The following ALG10 variants were observed in gnomAD, a reference collection of about 807,000 sequenced individuals.
The protein encoded by ALG10 is dol-P-Glc:Glc(2)Man(9)GlcNAc(2)-PP-Dol alpha-1,2-glucosyltransferase A.
ALG10 carries 25 observed loss-of-function variants against 39.2 expected under a neutral mutation model. The ratio of observed to expected loss-of-function variants is 0.64; its 90% confidence interval spans 0.46 to 0.89. The LOEUF is 0.89. Among genes scored for constraint, ALG10 ranks in the 40% least tolerant of loss-of-function variants. ALG10 has a pLI of 0.00. For synonymous variants in ALG10, 184 were observed against 193.9 expected (o/e 0.95, Z 0.42); for missense variants, 486 against 546.6 (o/e 0.89, Z 1.11).
At chr12:34,025,608 T>C (rs1178597447) in intron 2 of ALG10, among the ~76,000 whole-genome samples, 3 of 152,192 alleles carry the variant, frequency 2.0e-5, no homozygotes, top group Non-Finnish European at 2.9e-5. Flanking sequence ...CTGATTCCAA[T>C]TGTGTTAAGC....
upstream of ALG10, chr12:34,022,418 G>A: frequency 3.1e-6 from 3 of 960,386 alleles, no homozygotes; most frequent in Non-Finnish European, 4.8e-6. Flanking sequence ...CCGTCACTCC[G>A]GGAAACAGCG....
At chr12:34,023,596 C>G (rs544511215) in intron 1 of ALG10, 60 of 333,108 alleles carry the variant, frequency 1.8e-4, no homozygotes, top group South Asian at 1.6e-3. Context: ...ATCATGGAGC[C>G]TGTGGTCCAA....
chr12:34,022,443 G>A (rs1242906456), upstream of ALG10: 6 of 1,206,314 alleles, frequency 5.0e-6, no homozygotes, highest in Non-Finnish European at 6.0e-6. Context: ...GATCTTTCCG[G>A]ATCCGCGCTC....
Position 34,022,533 on chromosome 12 carries a change from C to T in ALG10, c.-67C>T, listed in dbSNP as rs1942788081. ...CGCGCCCATTTCGAGCCCAAGTTTCCAGCTCGGGTTTCCAGGCTCAGAATT... is the reference window on the plus strand; with the variant it reads ...CGCGCCCATTTCGAGCCCAAGTTTCTAGCTCGGGTTTCCAGGCTCAGAATT... On this transcript the variant is annotated 5_prime_UTR_variant, in exon 1 of 3. Coordinates refer to ENST00000266483, the MANE Select transcript of ALG10 (RefSeq NM_032834.4). 2 of 1,613,032 alleles carry T rather than the reference C, an allele frequency of 1.2e-6. No homozygotes were observed. Among genetic ancestry groups the T allele is most frequent in the Non-Finnish European group, 1.7e-6 (2 of 1,179,522 alleles).
upstream of ALG10, chr12:34,022,476 G>A: frequency 3.4e-6 from 5 of 1,492,064 alleles, no homozygotes; most frequent in Non-Finnish European, 4.6e-6. Flanking sequence ...TTGCCTTCCG[G>A]TATGTGGCCC....
rs1942855492 is a variant in ALG10, at chr12:34,028,079, G to T, written c.*1164G>T. ...GTTCCAAGTAAGTTTGTATTCACAT[G>T]ATCTGAGTAGACATTGTCTCTTCGT... On this transcript the variant is annotated 3_prime_UTR_variant, in exon 3 of 3. Transcript: ENST00000266483. 1 of 152,134 alleles carries T rather than the reference G, an allele frequency of 6.6e-6. No homozygotes were observed. The highest frequency in any genetic ancestry group is 1.5e-5 in the Non-Finnish European group (1 of 68,008). 9.4% of individuals were successfully genotyped at this position (152,134 alleles called of 1,614,324 possible).
rs1286638043 is a variant in ALG10 at position 34,024,009 on chromosome 12, T to C, written c.219T>C (p.Ile73=). 3 of 1,614,188 alleles carry C rather than the reference T, an allele frequency of 1.9e-6. No individual in the cohort carries two copies. Among genetic ancestry groups the C allele is most frequent in the Non-Finnish European group, 8.5e-7 (1 of 1,180,014 alleles). ...TTLPGLYLVS[I]GVIKPAIWIF... is the part of the protein sequence containing the mutation. ...TACCTGGCTTGTACCTGGTGTCAAT[T>C]GGAGTGATCAAACCTGCCATTTGGA... Residue 73 remains isoleucine (I), a synonymous_variant, in exon 2 of 3, where the codon ATT becomes ATC. Coordinates refer to ENST00000266483, the MANE Select transcript of ALG10 (RefSeq NM_032834.4).
At chr12:34,023,837 C>G in intron 1 of ALG10, 125 bp from the exon 2 acceptor site, 1 of 1,311,560 alleles carries the variant, frequency 7.6e-7, no homozygotes. Context: ...CTTACTTAAT[C>G]TTGTCATAGA....
At position 34,024,257 on chromosome 12, in the gene ALG10, C is replaced by G; in HGVS notation, c.369+98C>G. 2.9e-6 allele frequency: 4 copies of G among 1,371,612 alleles called. No individual in the cohort carries two copies. The Admixed American group carries it at 7.0e-5, about 24-fold the overall frequency. 85.0% of individuals were successfully genotyped at this position (1,371,612 alleles called of 1,614,324 possible). A position where few individuals can be genotyped will look rare whatever the true frequency, so the allele number is the denominator to read the frequency against. The stretch of plus-strand genomic sequence containing the variant: ...GATTTGGTGAAAAATGTCTTTAACA[C>G]TTTGTAACTTTGTATTTTTGTATAT... On this transcript the variant is annotated intron_variant, in intron 2 of 2. Coordinates refer to ENST00000266483, the MANE Select transcript of ALG10 (RefSeq NM_032834.4).
intron 2 of ALG10, among the ~76,000 whole-genome samples, chr12:34,024,833 A>G (rs999451011): frequency 2.0e-5 from 3 of 152,230 alleles, no homozygotes; most frequent in African/African-American, 7.2e-5. Flanking sequence ...AGTGGTAAAC[A>G]TAAGATGCTA....
intron 2 of ALG10, among the ~76,000 whole-genome samples, chr12:34,024,574 T>C (rs1321020831): frequency 6.6e-6 from 1 of 152,176 alleles, no homozygotes; most frequent in African/African-American, 2.4e-5. Flanking sequence ...GGGTTAGAAT[T>C]CTCTCCCTGC....
At position 34,024,001 on chromosome 12, in the gene ALG10, G is replaced by T. The variant is rs1475035546; in HGVS notation, c.211G>T (p.Val71Leu). The stretch of plus-strand genomic sequence containing the variant: ...TACTACATTACCTGGCTTGTACCTG[G>T]TGTCAATTGGAGTGATCAAACCTGC... ...MITTLPGLYL[V>L]SIGVIKPAIW... The change falls in exon 2 of 3, where the codon GTG becomes TTG. Residue 71 changes from valine to leucine, a missense_variant. Val to Leu is a conservative substitution (Grantham distance 32). Transcript: ENST00000266483. 1 of 1,614,068 alleles carries T rather than the reference G, an allele frequency of 6.2e-7. No individual in the cohort carries two copies. Among genetic ancestry groups the T allele is most frequent in the Non-Finnish European group, 8.5e-7 (1 of 1,180,000 alleles).
intron 2 of ALG10, 27 bp downstream of exon 2, chr12:34,024,186 G>A: frequency 1.2e-6 from 2 of 1,609,144 alleles, no homozygotes; most frequent in Non-Finnish European, 1.7e-6. Flanking sequence ...TTAATTACAA[G>A]TTTATGTGTA....
Position 34,022,733 on chromosome 12 carries a change from C to T in ALG10, c.134C>T (p.Ala45Val). The T allele has an allele frequency of 6.2e-7, 1 of 1,614,132 alleles. No individual in the cohort carries two copies. Among genetic ancestry groups the T allele is most frequent in the Non-Finnish European group, 8.5e-7 (1 of 1,180,020 alleles). The stretch of plus-strand genomic sequence containing the variant: ...GACGAGATCTTCCACCTGCCTCAGG[C>T]GCAGCGCTACTGTGAGGGCCATTTC... ...YMDEIFHLPQ[A>V]QRYCEGHFSL... The change falls in exon 1 of 3, where the codon GCG (alanine) becomes GTG (valine). Residue 45 changes from alanine to valine, a missense_variant. Ala to Val is a moderately conservative substitution (Grantham distance 64). Coordinates refer to ENST00000266483, the MANE Select transcript of ALG10 (RefSeq NM_032834.4).
At chr12:34,025,765 T>G in intron 2 of ALG10, 98 bp from the exon 3 acceptor site, 1 of 1,407,406 alleles carries the variant, frequency 7.1e-7, no homozygotes, top group Admixed American at 1.9e-5. Flanking sequence ...AAGGTTTGAG[T>G]AGTTGAGTAG....
At position 34,026,500 on chromosome 12, in the gene ALG10, T is replaced by C; in HGVS notation, c.1007T>C (p.Leu336Ser). The change falls in exon 3 of 3, where the codon TTA (leucine) becomes TCA (serine). Residue 336 changes from leucine to serine, a missense_variant. Coordinates refer to ENST00000266483, the MANE Select transcript of ALG10 (RefSeq NM_032834.4). ...GTGGTTACCTTAGTCTCTGTGTTTTTAGTTTGGAAATTCACTTATGCTCAT... is the reference window on the plus strand; with the variant it reads ...GTGGTTACCTTAGTCTCTGTGTTTTCAGTTTGGAAATTCACTTATGCTCAT... ...FFVVTLVSVFLVWKFTYAHKY... is the reference protein window; with the variant it reads ...FFVVTLVSVFSVWKFTYAHKY... 6.2e-7 allele frequency: 1 copy of C among 1,613,942 alleles called. No individual in the cohort carries two copies. The highest frequency in any genetic ancestry group is 2.2e-5 in the East Asian group (1 of 44,850).
At position 34,023,821 on chromosome 12, in the gene ALG10, C is replaced by G. The variant is rs562809352; in HGVS notation, c.172-141C>G. 3.6e-4 allele frequency: 430 copies of G among 1,178,504 alleles called. 4 individuals carry two copies. The highest frequency in any genetic ancestry group is 8.7e-5 in the Non-Finnish European group (69 of 797,144). The allele number at this position is 1,178,504 out of a possible 1,614,324, so 73.0% of individuals were successfully genotyped here. The stretch of plus-strand genomic sequence containing the variant: ...ATAAGAAAAACGAATCCTGTTCTGC[C>G]AAGGACTTACTTAATCTTGTCATAG... On this transcript the variant is annotated intron_variant, in intron 1 of 2. Transcript: ENST00000266483.
In ALG10 at chr12:34,026,883, A is replaced by C; in HGVS notation, c.1390A>C (p.Asn464His). 1 of 1,613,762 alleles carries C rather than the reference A, an allele frequency of 6.2e-7. No homozygotes were observed. The highest frequency in any genetic ancestry group is 8.5e-7 in the Non-Finnish European group (1 of 1,179,760). ...TCTGAACAAGACTTTTCAGTGGCCA[A>C]ATAGTCAGGACATTCAAAGGTTTAT... ...IFLNKTFQWP[N>H]SQDIQRFMW The change falls in exon 3 of 3, where the codon AAT becomes CAT. Residue 464 changes from asparagine (N) to histidine (H), a missense_variant. Transcript: ENST00000266483.
At position 34,024,055 on chromosome 12, in the gene ALG10, G is replaced by A. The variant is rs1345601863; in HGVS notation, c.265G>A (p.Val89Ile). Reference protein sequence around the residue: ...AIWIFGWSEHVVCSIGMLRFV... With the variant: ...AIWIFGWSEHIVCSIGMLRFV... Reference sequence around the variant, plus strand: ...TTGGATCTTTGGATGGTCTGAACATGTTGTCTGCTCCATTGGGATGCTCAG... The same window carrying A: ...TTGGATCTTTGGATGGTCTGAACATATTGTCTGCTCCATTGGGATGCTCAG... The change falls in exon 2 of 3, where the codon GTT becomes ATT. Residue 89 changes from valine (V) to isoleucine (I), a missense_variant. By Grantham distance (29) the Val-to-Ile change is conservative. Transcript: ENST00000266483. The A allele has an allele frequency of 2.5e-6, 4 of 1,614,064 alleles. No homozygotes were observed. The African/African-American group carries it at 5.3e-5, about 22-fold the overall frequency.
Sources: allele counts gnomAD v4.1 joint callset (sites outside exome capture counted in the v4.1 genomes callset), GRCh38; gene constraint gnomAD v4.1.1; transcripts MANE v1.5; gene names NCBI Gene and HGNC (gene_info 2026-07-23, HGNC 2026-07-21).